INTS6: variants seen among roughly 807,000 people sequenced by gnomAD.
INTS6 encodes DEAD box protein.
INTS6 carries 16 observed loss-of-function variants against 104.9 expected under a neutral mutation model. That is an observed-to-expected ratio of 0.15 (90% CI 0.10 to 0.23). The LOEUF is 0.23. Among genes scored for constraint, INTS6 ranks in the 10% least tolerant of loss-of-function variants. INTS6 has a pLI of 1.00. For synonymous variants in INTS6, 324 were observed against 358.7 expected, an observed-to-expected ratio of 0.90 and a Z score of 1.09; for missense variants, 584 against 1,062.8, an observed-to-expected ratio of 0.55 and a Z score of 6.26.
intron 11 of INTS6, among the ~76,000 whole-genome samples, chr13:51,378,735 G>A (rs1955984966): frequency 6.6e-6 from 1 of 151,948 alleles, no homozygotes. Flanking sequence ...CCTAAACCAT[G>A]AAATATAAAT....
intron 4 of INTS6, among the ~76,000 whole-genome samples, chr13:51,396,486 C>G (rs1420925640): frequency 6.6e-6 from 1 of 152,106 alleles, no homozygotes; most frequent in South Asian, 2.1e-4. Flanking sequence ...TCTATACCAA[C>G]AGAGTAACAG....
intron 7 of INTS6, among the ~76,000 whole-genome samples, chr13:51,387,049 T>C (rs1006042464): frequency 1.3e-5 from 2 of 152,176 alleles, no homozygotes; most frequent in African/African-American, 4.8e-5. Context: ...AATTATTTTC[T>C]AAGCCTTCAT....
intron 3 of INTS6, among the ~76,000 whole-genome samples, chr13:51,355,487 T>C (rs920916661): frequency 6.6e-6 from 1 of 152,184 alleles, no homozygotes; most frequent in African/African-American, 2.4e-5. Flanking sequence ...GACCTCCTGC[T>C]GTCCCATCAG....
intron 4 of INTS6, among the ~76,000 whole-genome samples, chr13:51,415,921 A>C (rs531505837): frequency 6.6e-6 from 1 of 152,338 alleles, no homozygotes; most frequent in East Asian, 1.9e-4. Flanking sequence ...AAATACACTA[A>C]GGTCAAGGAT....
Position 51,451,106 on chromosome 13 carries a change from C to T in INTS6, c.258G>A (p.Thr86=), listed in dbSNP as rs934199468. The T allele has an allele frequency of 3.8e-6, 6 of 1,586,992 alleles. No homozygotes were observed. The highest frequency in any genetic ancestry group is 5.1e-6 in the Non-Finnish European group (6 of 1,167,982). Residue 86 remains threonine (T), a synonymous_variant, in exon 3 of 18, where the codon ACG becomes ACA. Coordinates refer to ENST00000311234, the MANE Select transcript of INTS6 (RefSeq NM_012141.3). ...ELKNLQAEGL[T]TLGQSLRTAF... ...CTGTCCTTAGGGATTGGCCAAGAGT[C>T]GTAAGTCCTTCAGCCTGAAGGTTTT...
In INTS6 at chr13:51,451,995, G is replaced by A; in HGVS notation, c.172C>T (p.Pro58Ser). 1 of 1,609,660 alleles carries A rather than the reference G, an allele frequency of 6.2e-7. No individual in the cohort carries two copies. Among genetic ancestry groups the A allele is most frequent in the Non-Finnish European group, 8.5e-7 (1 of 1,177,364 alleles). ...DRYMLVTFEE[P>S]PYAIKAGWKE... is the part of the protein sequence containing the mutation. ...GCTGTTACCTTGATAGCATAGGGCG[G>A]CTCTTCGAAAGTGACCAGCATATAC... is the stretch of plus-strand genomic sequence containing the variant. Residue 58 changes from proline (P) to serine (S), a missense_variant, in exon 2 of 18, where the codon CCG (proline) becomes TCG (serine). Pro to Ser is a moderately conservative substitution (Grantham distance 74). Coordinates refer to ENST00000311234, the MANE Select transcript of INTS6 (RefSeq NM_012141.3).
chr13:51,428,781 AG>A (rs1957031448), intron 4 of INTS6, among the ~76,000 whole-genome samples: 1 of 152,204 alleles, frequency 6.6e-6, no homozygotes, highest in Non-Finnish European at 1.5e-5. Flanking sequence ...GATTATATAT[AG>A]ACTATAAATT....
intron 3 of INTS6, chr13:51,445,085 T>C (rs185211946): frequency 8.6e-4 from 131 of 152,310 alleles, no homozygotes; most frequent in African/African-American, 3.0e-3. Flanking sequence ...AAATCAAACT[T>C]GTGTAAATCT....
chr13:51,435,879 G>A (rs1366811369), intron 3 of INTS6, among the ~76,000 whole-genome samples: 2 of 151,808 alleles, frequency 1.3e-5, no homozygotes, highest in South Asian at 2.1e-4. Flanking sequence ...TACACAAACT[G>A]GGTAATAACA....
chr13:51,362,587 G>C lies in INTS6; in HGVS notation c.*3165C>G, dbSNP rs1426198201. On this transcript the variant is annotated 3_prime_UTR_variant, in exon 18 of 18. Coordinates refer to ENST00000311234, the MANE Select transcript of INTS6 (RefSeq NM_012141.3). ...GAAAAGAGATTCTCAGTTAAGAGTTGTTGGCAAGTCTAAACAGTGTATTAA... is the reference window on the plus strand; with the variant it reads ...GAAAAGAGATTCTCAGTTAAGAGTTCTTGGCAAGTCTAAACAGTGTATTAA... 1 of 152,446 alleles carries C rather than the reference G, an allele frequency of 6.6e-6. No homozygotes were observed. Among genetic ancestry groups the C allele is most frequent in the East Asian group, 1.9e-4 (1 of 5,192 alleles). The allele number at this position is 152,446 out of a possible 1,614,324, so 9.4% of individuals were successfully genotyped here.
At chr13:51,444,099 T>TTG (rs1356018366) in intron 3 of INTS6, 3 of 152,660 alleles carry the variant, frequency 2.0e-5, no homozygotes, top group Non-Finnish European at 4.4e-5. Context: ...TTGTTTTGTT[T>TTG]TTTTGAGACA....
chr13:51,437,666 T>C (rs931347080), intron 3 of INTS6: 3 of 152,206 alleles, frequency 2.0e-5, no homozygotes, highest in African/African-American at 7.2e-5. Context: ...TAACAGTATA[T>C]TGTTTCCCAT....
At chr13:51,372,558 G>T (rs573421867) in intron 15 of INTS6, among the ~76,000 whole-genome samples, 1 of 152,046 alleles carries the variant, frequency 6.6e-6, no homozygotes, top group East Asian at 1.9e-4. Flanking sequence ...TACCCCTCTA[G>T]CCCAATCCTC....
intron 4 of INTS6, chr13:51,421,403 G>T: frequency 1.6e-6 from 1 of 637,926 alleles, no homozygotes; most frequent in Non-Finnish European, 2.0e-6. Flanking sequence ...AATTCAATCT[G>T]AAAAGACAGA....
intron 15 of INTS6, among the ~76,000 whole-genome samples, chr13:51,372,863 T>C (rs1236916331): frequency 6.6e-6 from 1 of 152,222 alleles, no homozygotes; most frequent in Non-Finnish European, 1.5e-5. Context: ...TGCACAATTA[T>C]TTAATAACAT....
Position 51,367,908 on chromosome 13 carries a change from A to G in INTS6, c.2477-10T>C, listed in dbSNP as rs1955724253. ...AAGATTCTTTCATATTCTTAAAGCA[A>G]AAGAAACAAAAAGAAAAATTAAGTG... On this transcript the variant is annotated splice_polypyrimidine_tract_variant and intron_variant, in intron 16 of 17. Coordinates refer to ENST00000311234, the MANE Select transcript of INTS6 (RefSeq NM_012141.3). The G allele has an allele frequency of 2.1e-6, 3 of 1,436,616 alleles. No individual in the cohort carries two copies. The highest frequency in any genetic ancestry group is 1.3e-5 in the South Asian group (1 of 75,656). 89.0% of individuals were successfully genotyped at this position (1,436,616 alleles called of 1,614,324 possible).
At chr13:51,368,699 T>C (rs1387829345) in intron 16 of INTS6, among the ~76,000 whole-genome samples, 1 of 152,156 alleles carries the variant, frequency 6.6e-6, no homozygotes, top group African/African-American at 2.4e-5. Context: ...TCCTGTCAAT[T>C]TATCTGTACA....
intron 4 of INTS6, among the ~76,000 whole-genome samples, chr13:51,396,238 T>C: frequency 6.6e-6 from 1 of 152,234 alleles, no homozygotes; most frequent in Non-Finnish European, 1.5e-5. Flanking sequence ...TGCTTCATTT[T>C]ATATAAGATA....
intron 5 of INTS6, 147 bp downstream of exon 5, chr13:51,395,153 T>C (rs1956312806): frequency 5.9e-6 from 4 of 672,874 alleles, no homozygotes; most frequent in Non-Finnish European, 9.6e-6. Flanking sequence ...CCATTAGCAA[T>C]AAATGTACTA....
Sources: allele counts gnomAD v4.1 joint callset (sites outside exome capture counted in the v4.1 genomes callset), GRCh38; gene constraint gnomAD v4.1.1; transcripts MANE v1.5; gene names NCBI Gene and HGNC (gene_info 2026-07-23, HGNC 2026-07-21).